HDAC8: variants seen among roughly 807,000 people sequenced by gnomAD.
The protein encoded by HDAC8 is histone deacetylase 8, also known as histone deacetylase-like 1.
HDAC8 carries 1 observed loss-of-function variant against 32.2 expected under a neutral mutation model. That is an observed-to-expected ratio of 0.03 (90% CI 0.01 to 0.15). The LOEUF (loss-of-function observed/expected upper bound fraction) is 0.15, where lower values mean the gene tolerates loss of function less well. HDAC8 is among the 10% of genes least tolerant of loss of function. The probability of loss-of-function intolerance (pLI) is 1.00; values close to 1 mark genes in which losing one functional copy is unlikely to be tolerated. For missense variants in HDAC8, 117 were observed against 300.0 expected (o/e 0.39, Z 4.51); for synonymous variants, 108 against 113.9 (o/e 0.95, Z 0.33).
intron 5 of HDAC8, among the ~76,000 whole-genome samples, chrX:72,494,885 AACACT>A (rs2048974746): frequency 9.0e-6 from 1 of 111,442 alleles, no homozygotes; most frequent in African/African-American, 3.3e-5. Flanking sequence ...CACTGGAGTA[AACACT>A]AGGTAAGATT....
intron 10 of HDAC8, among the ~76,000 whole-genome samples, chrX:72,332,444 G>C: frequency 9.0e-6 from 1 of 111,495 alleles, no homozygotes; most frequent in Middle Eastern, 4.6e-3. Flanking sequence ...CTGGCATCTG[G>C]TGTTGGTTTT....
chrX:72,444,381 T>C (rs782334867), intron 9 of HDAC8, among the ~76,000 whole-genome samples: 309 of 111,864 alleles, frequency 2.8e-3, no homozygotes, highest in Admixed American at 5.7e-3. Context: ...ACTGGTTCAA[T>C]ATACATAAAT....
At chrX:72,495,105 TA>T in intron 5 of HDAC8, 50 bp downstream of exon 5, 1 of 908,153 alleles carries the variant, frequency 1.1e-6, no homozygotes, top group South Asian at 2.2e-5. Context: ...GCTTAACTGA[TA>T]AAAACCTGCT....
chrX:72,384,193 C>A (rs1185833265), intron 9 of HDAC8, among the ~76,000 whole-genome samples: 2 of 111,562 alleles, frequency 1.8e-5, no homozygotes, highest in Non-Finnish European at 3.8e-5. Context: ...TAAGTAAATT[C>A]AAAAATACAA....
At chrX:72,375,753 G>A (rs1486929663) in intron 9 of HDAC8, among the ~76,000 whole-genome samples, 1 of 111,686 alleles carries the variant, frequency 9.0e-6, no homozygotes, top group Non-Finnish European at 1.9e-5. Context: ...ATCTCTTCTG[G>A]AAACACCCTC....
At chrX:72,489,340 C>T (rs1023622514) in intron 6 of HDAC8, 1 of 354,309 alleles carries the variant, frequency 2.8e-6, no homozygotes, top group Admixed American at 3.2e-5. Flanking sequence ...TTAGGAGTTG[C>T]ATGGGGTGTC....
intron 7 of HDAC8, chrX:72,473,946 T>C (rs1181612876): frequency 4.3e-6 from 3 of 703,433 alleles, no homozygotes; most frequent in African/African-American, 2.4e-5. Flanking sequence ...TTCTCCTCCA[T>C]GCACTTTACA....
chrX:72,329,908 A>C lies in HDAC8; in HGVS notation c.*146T>G. The C allele has an allele frequency of 1.2e-6, 1 of 809,531 alleles. No homozygotes were observed. Among genetic ancestry groups the C allele is most frequent in the Non-Finnish European group, 1.8e-6 (1 of 556,216 alleles). The allele number at this position is 809,531 out of a possible 1,213,427, so 66.7% of individuals were successfully genotyped here. ...TCTTCACCCCAGGAAGCCAGCTGCC[A>C]CTTGATGCCCCTTGGAAATTTTCAG... On this transcript the variant is annotated 3_prime_UTR_variant, in exon 11 of 11. Transcript: ENST00000373573.
intron 4 of HDAC8, among the ~76,000 whole-genome samples, chrX:72,565,480 A>G (rs781998829): frequency 8.9e-6 from 1 of 111,938 alleles, no homozygotes; most frequent in South Asian, 3.8e-4. Context: ...AAAGATGTCT[A>G]CAACAGTTAA....
intron 9 of HDAC8, among the ~76,000 whole-genome samples, chrX:72,367,304 G>A (rs1371359405): frequency 1.8e-5 from 2 of 112,172 alleles, no homozygotes; most frequent in Non-Finnish European, 3.8e-5. Context: ...ACAGGGGAAA[G>A]GCTGGCTCAG....
At chrX:72,441,369 C>T (rs1290175634) in intron 9 of HDAC8, among the ~76,000 whole-genome samples, 9 of 111,964 alleles carry the variant, frequency 8.0e-5, no homozygotes, top group South Asian at 3.7e-4. Context: ...CAGCAGCATT[C>T]GTGGTTCACG....
chrX:72,527,439 A>G (rs1458300562), intron 4 of HDAC8, among the ~76,000 whole-genome samples: 1 of 111,670 alleles, frequency 9.0e-6, no homozygotes, highest in East Asian at 2.8e-4. Context: ...CATGAATTAC[A>G]TTACGGTAGA....
intron 4 of HDAC8, among the ~76,000 whole-genome samples, chrX:72,532,249 AT>A (rs34829256): frequency 1.1e-3 from 58 of 54,173 alleles, no homozygotes; most frequent in South Asian, 4.3e-3. Context: ...CGTGTTGGGC[AT>A]TTTTTTTTTT....
Position 72,351,792 on chromosome X carries a change from C to G in HDAC8, c.1052G>C (p.Ser351Thr), listed in dbSNP as rs782558250. 1 of 1,211,154 alleles carries G rather than the reference C, an allele frequency of 8.3e-7. No individual in the cohort carries two copies. The highest frequency in any genetic ancestry group is 2.2e-5 in the Admixed American group (1 of 46,066). Residue 351 changes from serine (S) to threonine (T), a missense_variant, in exon 10 of 11, where the codon AGC becomes ACC. Physicochemically the swap from Ser to Thr is moderately conservative, Grantham distance 58 (BLOSUM62 1). Around this residue, in one of 4 missense-constraint regions of HDAC8, gnomAD observed 18 missense variants for 25.7 expected, o/e 0.70. Transcript: ENST00000373573. ...GPDYVLEITP[S>T]CRPDRNEPHR... ...GGGCTCATTGCGGTCTGGCCGGCAGCTTGGCGTGATTTCCAGCACATAATC... is the reference window on the plus strand; with the variant it reads ...GGGCTCATTGCGGTCTGGCCGGCAGGTTGGCGTGATTTCCAGCACATAATC...
At chrX:72,526,978 C>T (rs2050172298) in intron 4 of HDAC8, among the ~76,000 whole-genome samples, 1 of 111,575 alleles carries the variant, frequency 9.0e-6, no homozygotes, top group Non-Finnish European at 1.9e-5. Flanking sequence ...ACACTGCTGC[C>T]AGGGTTATTT....
intron 9 of HDAC8, among the ~76,000 whole-genome samples, chrX:72,405,488 G>C (rs909247960): frequency 2.3e-4 from 26 of 112,326 alleles, no homozygotes; most frequent in Non-Finnish European, 4.9e-4. Context: ...CCAGTAATGG[G>C]ATTGCTGGGT....
intron 4 of HDAC8, among the ~76,000 whole-genome samples, chrX:72,535,887 C>T (rs948084946): frequency 1.8e-5 from 2 of 111,716 alleles, no homozygotes; most frequent in African/African-American, 3.3e-5. Context: ...GGAGCACACC[C>T]GTACTTGATC....
At chrX:72,365,729 G>T (rs2044678784) in intron 9 of HDAC8, among the ~76,000 whole-genome samples, 2 of 112,159 alleles carry the variant, frequency 1.8e-5, no homozygotes, top group South Asian at 7.5e-4. Flanking sequence ...TTTCTTGTCT[G>T]CTTTGAATAA....
rs1190778800 is a variant in HDAC8 at position 72,555,254 on chromosome X, G to T, written c.437+12635C>A. On this transcript the variant is annotated intron_variant, in intron 4 of 10. Transcript: ENST00000373573. ...GGGACAAAAGAGTCTGAACAGCAGC[G>T]CTTGAATCCCAGATCTTCCCTCAGA... Among the ~76,000 whole-genome samples the T allele has an allele frequency of 8.0e-5, 9 of 111,982 alleles. No homozygotes were observed. In the Admixed American group the frequency reaches 8.5e-4, roughly 11 times the overall value.
Sources: gnomAD v4.1 joint callset for allele counts (sites outside exome capture counted in the v4.1 genomes callset) on GRCh38, gnomAD v4.1.1 for gene constraint, gnomAD v4.1.1 regional missense constraint, MANE v1.5 for transcripts, NCBI Gene and HGNC (gene_info 2026-07-23, HGNC 2026-07-21) for gene names.